Variants in PIK3CB observed in about 807,000 individuals in gnomAD.
The protein encoded by PIK3CB is phosphatidylinositol-4,5-bisphosphate 3-kinase catalytic subunit beta, also known as phosphatidylinositol 4,5-bisphosphate 3-kinase catalytic subunit beta isoform.
PIK3CB carries 39 observed loss-of-function variants against 136.8 expected under a neutral mutation model. That is an observed-to-expected ratio of 0.29 (90% confidence interval 0.22 to 0.37). The LOEUF is 0.37. Ranked by LOEUF, PIK3CB falls within the 10% of genes least tolerant of loss-of-function variation. The pLI, the probability that PIK3CB is intolerant of heterozygous loss-of-function variation, is 1.00. For missense variants in PIK3CB, 868 were observed against 1,275.4 expected, an observed-to-expected ratio of 0.68 and a Z score of 4.87; for synonymous variants, 428 against 436.6, an observed-to-expected ratio of 0.98 and a Z score of 0.25.
intron 8 of PIK3CB, among the ~76,000 whole-genome samples, chr3:138,727,540 C>CA (rs1268455704): frequency 4.6e-5 from 7 of 152,330 alleles, no homozygotes; most frequent in Admixed American, 4.6e-4. Flanking sequence ...TTCAGGCCTA[C>CA]AATCACATGG....
intron 6 of PIK3CB, among the ~76,000 whole-genome samples, chr3:138,737,286 G>A (rs1032979656): frequency 6.6e-6 from 1 of 150,652 alleles, no homozygotes; most frequent in Non-Finnish European, 1.5e-5. Context: ...CCAACTACTC[G>A]GGTGGCTGAG....
chr3:138,671,964 AAGTT>A (rs566004891), intron 19 of PIK3CB, among the ~76,000 whole-genome samples: 63 of 152,340 alleles, frequency 4.1e-4, no homozygotes, highest in African/African-American at 1.5e-3. Context: ...ATGAGCTAGA[AAGTT>A]AGTCCTCTTT....
At chr3:138,803,137 A>C (rs964712671) in intron 1 of PIK3CB, among the ~76,000 whole-genome samples, 1 of 152,208 alleles carries the variant, frequency 6.6e-6, no homozygotes, top group Non-Finnish European at 1.5e-5. Flanking sequence ...CTTAAACTGT[A>C]AACAAACACC....
Position 138,684,714 on chromosome 3 carries a change from C to A in PIK3CB, c.2226G>T (p.Met742Ile), listed in dbSNP as rs1235228469. The change falls in exon 17 of 24, where the codon ATG becomes ATT. Residue 742 changes from methionine to isoleucine, a missense_variant. Physicochemically the swap from Met to Ile is conservative, Grantham distance 10. This residue lies in a region of PIK3CB where 165 missense variants were observed against 295.4 expected (regional missense o/e 0.56). Coordinates refer to ENST00000674063, the MANE Select transcript of PIK3CB (RefSeq NM_006219.3). ...KLNRAKGKEA[M>I]HTCLKQSAYR... is the part of the protein sequence containing the mutation. ...AAGCACTCTGTTTTAAACAGGTATG[C>A]ATGGCCTCCTTCCCTTTGGCTCTGT... 4.3e-6 allele frequency: 7 copies of A among 1,613,754 alleles called. No individual in the cohort carries two copies. Among genetic ancestry groups the A allele is most frequent in the Non-Finnish European group, 5.9e-6 (7 of 1,179,660 alleles).
At chr3:138,678,449 TA>T (rs1269185370) in intron 19 of PIK3CB, among the ~76,000 whole-genome samples, 1 of 151,386 alleles carries the variant, frequency 6.6e-6, no homozygotes, top group Non-Finnish European at 1.5e-5. Flanking sequence ...ATCAATCCAA[TA>T]AAAGGAAATA....
intron 1 of PIK3CB, among the ~76,000 whole-genome samples, chr3:138,801,218 A>G (rs955171937): frequency 6.6e-6 from 1 of 152,166 alleles, no homozygotes; most frequent in African/African-American, 2.4e-5. Flanking sequence ...TTATAATGAA[A>G]TGAGGTGATA....
intron 2 of PIK3CB, among the ~76,000 whole-genome samples, chr3:138,792,427 G>A (rs1428916465): frequency 6.6e-6 from 1 of 152,044 alleles, no homozygotes; most frequent in Admixed American, 6.6e-5. Flanking sequence ...CGGCTGAAGT[G>A]CAGTGGTAGG....
chr3:138,655,539 G>C lies in PIK3CB; in HGVS notation c.3076-13C>G, dbSNP rs753824227. The C allele has an allele frequency of 2.5e-6, 4 of 1,600,384 alleles. No homozygotes were observed. Among genetic ancestry groups the C allele is most frequent in the Non-Finnish European group, 3.4e-6 (4 of 1,167,892 alleles). On this transcript the variant is annotated splice_polypyrimidine_tract_variant and intron_variant, in intron 23 of 23. Coordinates refer to ENST00000674063, the MANE Select transcript of PIK3CB (RefSeq NM_006219.3). ...ATGCAAGAGAGTCCTAAAATGGAAG[G>C]GGGAAAATATGATTTTATATAACTT...
Position 138,655,167 on chromosome 3 carries a change from G to A in PIK3CB, c.*222C>T, listed in dbSNP as rs2043170375. On this transcript the variant is annotated 3_prime_UTR_variant, in exon 24 of 24. Coordinates refer to ENST00000674063, the MANE Select transcript of PIK3CB (RefSeq NM_006219.3). ...AGTCAGCAGGAAATGATTATCCATT[G>A]ACAGTTTTCATGATAAGTCTTGGAA... 1 of 500,620 alleles carries A rather than the reference G, an allele frequency of 2.0e-6. No individual in the cohort carries two copies. The highest frequency in any genetic ancestry group is 3.6e-5 in the Admixed American group (1 of 27,860). 31.0% of individuals were successfully genotyped at this position (500,620 alleles called of 1,614,324 possible).
rs2045900702 is a variant in PIK3CB, at chr3:138,779,530, C to T, written c.-17+16933G>A. On this transcript the variant is annotated intron_variant, in intron 2 of 23. Coordinates refer to ENST00000674063, the MANE Select transcript of PIK3CB (RefSeq NM_006219.3). ...ATCAAGCCTCCCGAGTAGTTGGGAC[C>T]ACAGGTGCATGCCACCATGCCTGGC... Among the ~76,000 whole-genome samples the T allele has an allele frequency of 2.0e-5, 3 of 150,578 alleles. No homozygotes were observed. The South Asian group carries it at 6.3e-4, about 32-fold the overall frequency.
Position 138,712,224 on chromosome 3 carries a change from G to A in PIK3CB, c.1383C>T (p.Ser461=), listed in dbSNP as rs768734029. The change falls in exon 10 of 24, where the codon AGC becomes AGT. Residue 461 remains serine (S), a synonymous_variant. Coordinates refer to ENST00000674063, the MANE Select transcript of PIK3CB (RefSeq NM_006219.3). ...QLRTGDIILH[S]WSSFPDELEE... Reference sequence around the variant, plus strand: ...AAATCTTACCAGGAAATGAAGACCAGCTGTGTAATATTATGTCTCCAGTTC... The same window carrying A: ...AAATCTTACCAGGAAATGAAGACCAACTGTGTAATATTATGTCTCCAGTTC... 7 of 1,548,446 alleles carry A rather than the reference G, an allele frequency of 4.5e-6. No homozygotes were observed. In the Admixed American group the frequency reaches 1.2e-4, roughly 28 times the overall value.
chr3:138,663,832 T>G (rs1004309772), intron 21 of PIK3CB, 74 bp downstream of exon 21: 1 of 1,453,262 alleles, frequency 6.9e-7, no homozygotes, highest in African/African-American at 1.4e-5. Flanking sequence ...TCTGGCTGAG[T>G]TGCACAAGAG....
At chr3:138,747,344 G>C (rs895679131) in intron 4 of PIK3CB, among the ~76,000 whole-genome samples, 44 of 151,680 alleles carry the variant, frequency 2.9e-4, no homozygotes, top group African/African-American at 1.0e-3. Context: ...AAATACATGA[G>C]AACTCGGAGA....
At chr3:138,731,443 G>A (rs2044970605) in intron 8 of PIK3CB, among the ~76,000 whole-genome samples, 1 of 151,404 alleles carries the variant, frequency 6.6e-6, no homozygotes, top group African/African-American at 2.4e-5. Context: ...TGTAGAGATG[G>A]GATTTCGCCG....
intron 2 of PIK3CB, among the ~76,000 whole-genome samples, chr3:138,784,586 C>T (rs1186899451): frequency 6.6e-6 from 1 of 152,188 alleles, no homozygotes; most frequent in Non-Finnish European, 1.5e-5. Flanking sequence ...CGCGCCGCCA[C>T]GCCTGACTGG....
At chr3:138,704,233 A>G (rs1576338991) in intron 12 of PIK3CB, among the ~76,000 whole-genome samples, 1 of 152,328 alleles carries the variant, frequency 6.6e-6, no homozygotes, top group South Asian at 2.1e-4. Context: ...CTGTACTTGT[A>G]TCAGAAAAGG....
At chr3:138,747,987 T>C (rs1362296266) in intron 4 of PIK3CB, among the ~76,000 whole-genome samples, 1 of 152,196 alleles carries the variant, frequency 6.6e-6, no homozygotes, top group Non-Finnish European at 1.5e-5. Context: ...ACATAAATGT[T>C]TATGTGTGCA....
chr3:138,693,993 T>TATATATATATA (rs1559819951), intron 14 of PIK3CB, among the ~76,000 whole-genome samples: 10 of 120,120 alleles, frequency 8.3e-5, no homozygotes, highest in African/African-American at 1.3e-4. Context: ...TATATATATA[T>TATATATATATA]TTTAAACCCA....
At chr3:138,799,717 AC>A (rs1284754460) in intron 1 of PIK3CB, among the ~76,000 whole-genome samples, 3 of 151,774 alleles carry the variant, frequency 2.0e-5, no homozygotes, top group African/African-American at 7.3e-5. Flanking sequence ...TTGCTCTGTC[AC>A]CCAGCCTGTT....
Sources: allele counts gnomAD v4.1 joint callset (sites outside exome capture counted in the v4.1 genomes callset), GRCh38; gene constraint gnomAD v4.1.1; regional missense constraint gnomAD v4.1.1; transcripts MANE v1.5; gene names NCBI Gene and HGNC (gene_info 2026-07-23, HGNC 2026-07-21).